MYH11: variants seen among roughly 807,000 people sequenced by gnomAD.
MYH11 encodes the protein myosin-11.
In MYH11, 80 loss-of-function variants were observed where a neutral mutation model predicts 246.6. The ratio of observed to expected loss-of-function variants is 0.32; its 90% CI spans 0.27 to 0.39. The LOEUF (loss-of-function observed/expected upper bound fraction) is 0.39. Among genes scored for constraint, MYH11 ranks in the 10% least tolerant of loss-of-function variants. MYH11 has a pLI of 1.00. For missense variants in MYH11, 2,158 were observed against 2,546.8 expected, an observed-to-expected ratio of 0.85 and a Z score of 3.29; for synonymous variants, 1,071 against 1,015.5, an observed-to-expected ratio of 1.05 and a Z score of -1.04.
At chr16:15,820,819 T>C (rs1439009055) in intron 3 of MYH11, among the ~76,000 whole-genome samples, 3 of 152,318 alleles carry the variant, frequency 2.0e-5, no homozygotes, top group African/African-American at 7.2e-5. Context: ...TAAAATAAAA[T>C]TCTTATTACA....
In MYH11 at chr16:15,720,977, C is replaced by T. The variant is rs763247849; in HGVS notation, c.4653G>A (p.Leu1551=). The part of the protein sequence containing the change: ...MEEMKTQLEE[L]EDELQATEDA... ...CCTCCGTGGCTTGCAGCTCGTCCTCCAGCTCTTCCAGCTGCGTCTTCATCT... is the reference window on the plus strand; with the variant it reads ...CCTCCGTGGCTTGCAGCTCGTCCTCTAGCTCTTCCAGCTGCGTCTTCATCT... Residue 1551 remains leucine (L), a synonymous_variant, in exon 33 of 41, where the codon CTG becomes CTA. Coordinates refer to ENST00000300036, the MANE Select transcript of MYH11 (RefSeq NM_002474.3). 1.1e-5 allele frequency: 17 copies of T among 1,614,110 alleles called. No individual in the cohort carries two copies. Among genetic ancestry groups the T allele is most frequent in the Non-Finnish European group, 1.4e-5 (17 of 1,180,020 alleles).
At chr16:15,835,509 T>A (rs761113311) in intron 2 of MYH11, among the ~76,000 whole-genome samples, 18 of 152,170 alleles carry the variant, frequency 1.2e-4, no homozygotes, top group Non-Finnish European at 2.5e-4. Flanking sequence ...TTTTTAGAGA[T>A]GACAAGGGGC....
chr16:15,767,779 C>T (rs2042015493), intron 9 of MYH11, among the ~76,000 whole-genome samples: 1 of 151,836 alleles, frequency 6.6e-6, no homozygotes, highest in South Asian at 2.1e-4. Flanking sequence ...TAGAATGCCA[C>T]ATGAAGGATG....
chr16:15,753,544 A>C (rs766639497), intron 14 of MYH11, 36 bp from the exon 15 acceptor site: 39 of 1,549,570 alleles, frequency 2.5e-5, no homozygotes, highest in Middle Eastern at 1.7e-4. Context: ...AACCCCTGGG[A>C]AACTAGAAAC....
chr16:15,822,370 A>G (rs1051259765), intron 3 of MYH11, among the ~76,000 whole-genome samples: 3 of 152,126 alleles, frequency 2.0e-5, no homozygotes, highest in Non-Finnish European at 4.4e-5. Context: ...CAGGGGCTCC[A>G]AAGTGTTCTA....
intron 27 of MYH11, among the ~76,000 whole-genome samples, chr16:15,730,432 C>T (rs896949338): frequency 1.3e-5 from 2 of 150,600 alleles, no homozygotes; most frequent in African/African-American, 4.9e-5. Flanking sequence ...GTCCCAGCTA[C>T]TTGGGAGGCT....
At chr16:15,837,355 G>A (rs74009457) in intron 2 of MYH11, among the ~76,000 whole-genome samples, 3,943 of 152,242 alleles carry the variant, frequency 0.026, 170 homozygotes, top group African/African-American at 0.089. Context: ...TGGCACATGT[G>A]ATGACATGGG....
chr16:15,759,429 A>T, intron 12 of MYH11, 147 bp downstream of exon 12: 2 of 1,029,960 alleles, frequency 1.9e-6, no homozygotes, highest in Non-Finnish European at 3.0e-6. Flanking sequence ...TCTGTCTCTT[A>T]TACCCTCAAT....
intron 26 of MYH11, chr16:15,733,005 G>A: frequency 2.0e-6 from 1 of 496,046 alleles, no homozygotes; most frequent in Non-Finnish European, 3.7e-6. Context: ...AAATATTAAT[G>A]TTGGCTCTTA....
intron 2 of MYH11, among the ~76,000 whole-genome samples, chr16:15,824,995 G>C (rs1184655919): frequency 6.6e-6 from 1 of 152,142 alleles, no homozygotes; most frequent in East Asian, 1.9e-4. Flanking sequence ...GCCTGCTCCT[G>C]ATCATTAATA....
intron 40 of MYH11, among the ~76,000 whole-genome samples, chr16:15,711,740 T>TGAA (rs1288658059): frequency 6.6e-6 from 1 of 152,100 alleles, no homozygotes; most frequent in Non-Finnish European, 1.5e-5. Context: ...TCACCCAGGC[T>TGAA]GAAGTGCAGT....
chr16:15,757,804 C>T (rs2041768826), intron 13 of MYH11, 23 bp downstream of exon 13: 1 of 1,614,016 alleles, frequency 6.2e-7, no homozygotes, highest in South Asian at 1.1e-5. Context: ...TGACGGAGCC[C>T]CGCACGCCCA....
chr16:15,726,038 G>C (rs1248872211), intron 28 of MYH11: 6 of 229,154 alleles, frequency 2.6e-5, no homozygotes, highest in Non-Finnish European at 5.1e-5. Context: ...TTACCACAGG[G>C]CCTTTGCACA....
intron 31 of MYH11, among the ~76,000 whole-genome samples, chr16:15,723,511 G>A (rs1596727479): frequency 6.8e-6 from 1 of 147,556 alleles, no homozygotes; most frequent in Non-Finnish European, 1.5e-5. Flanking sequence ...GCCAGACATA[G>A]TGGTGTGCTC....
intron 5 of MYH11, chr16:15,782,911 C>A (rs1349375690): frequency 6.0e-6 from 1 of 166,382 alleles, no homozygotes; most frequent in African/African-American, 2.4e-5. Context: ...CCACTACAAG[C>A]CTCCTTCTAA....
At chr16:15,725,080 A>C in intron 28 of MYH11, 88 bp from the exon 29 acceptor site, 1 of 1,049,536 alleles carries the variant, frequency 9.5e-7, no homozygotes, top group Non-Finnish European at 1.4e-6. Context: ...CACATGGGCT[A>C]GTACTTGAGG....
At position 15,724,614 on chromosome 16, in the gene MYH11, C is replaced by T. The variant is rs1246329356; in HGVS notation, c.4116+33G>A. ...TCTCAGCGCAGAGAAGTTGAGAGGA[C>T]CCATGAAGGAAGCAAGGACACGGGG... is the stretch of plus-strand genomic sequence containing the variant. On this transcript the variant is annotated intron_variant, in intron 30 of 40. Transcript: ENST00000300036. 3 of 1,613,228 alleles carry T rather than the reference C, an allele frequency of 1.9e-6. No homozygotes were observed. In the Admixed American group the frequency reaches 5.0e-5, roughly 27 times the overall value.
At chr16:15,794,236 G>A (rs2042690613) in intron 4 of MYH11, among the ~76,000 whole-genome samples, 1 of 152,210 alleles carries the variant, frequency 6.6e-6, no homozygotes, top group African/African-American at 2.4e-5. Flanking sequence ...CTGAGCCACA[G>A]TGCGCGGCCA....
At chr16:15,814,095 G>C (rs1158330020) in intron 3 of MYH11, among the ~76,000 whole-genome samples, 1 of 151,556 alleles carries the variant, frequency 6.6e-6, no homozygotes, top group Non-Finnish European at 1.5e-5. Context: ...AGTGAGCAGA[G>C]ATCGTGCACT....
Sources: gnomAD v4.1 joint callset for allele counts (sites outside exome capture counted in the v4.1 genomes callset) on GRCh38, gnomAD v4.1.1 for gene constraint, MANE v1.5 for transcripts, NCBI Gene and HGNC (gene_info 2026-07-23, HGNC 2026-07-21) for gene names.